The following COL24A1 variants were observed in gnomAD, a reference collection of about 807,000 sequenced individuals.
COL24A1 encodes the protein collagen alpha-1(XXIV) chain.
A neutral mutation model predicts 253.9 loss-of-function variants in COL24A1; 224 were observed. The ratio of observed to expected loss-of-function variants is 0.88; its 90% CI spans 0.79 to 0.99. COL24A1 has a LOEUF of 0.99. COL24A1 is among the 50% of genes least tolerant of loss of function. The probability of loss-of-function intolerance (pLI) is 0.00; values close to 1 mark genes in which losing one functional copy is unlikely to be tolerated. For synonymous variants in COL24A1, 685 were observed against 673.7 expected, an observed-to-expected ratio of 1.02 and a Z score of -0.26; for missense variants, 2,131 against 2,068.5, an observed-to-expected ratio of 1.03 and a Z score of -0.59.
chr1:85,994,991 T>C (rs1362523790), intron 19 of COL24A1, among the ~76,000 whole-genome samples: 1 of 152,216 alleles, frequency 6.6e-6, no homozygotes, highest in East Asian at 1.9e-4. Context: ...CTTCTGTAAT[T>C]CTATGTATTT....
chr1:86,072,625 C>T (rs1013394711), intron 7 of COL24A1, among the ~76,000 whole-genome samples: 8 of 152,188 alleles, frequency 5.3e-5, no homozygotes, highest in African/African-American at 1.7e-4. Flanking sequence ...GCACAGCACT[C>T]GAGCTCTACT....
intron 18 of COL24A1, 33 bp downstream of exon 18, chr1:86,022,207 A>G (rs758248853): frequency 3.1e-6 from 5 of 1,591,464 alleles, no homozygotes; most frequent in South Asian, 1.1e-5. Context: ...CACTCTGTCA[A>G]TTACAAAGAG....
intron 48 of COL24A1, 144 bp downstream of exon 48, chr1:85,786,210 T>C (rs1669667588): frequency 1.7e-6 from 1 of 602,498 alleles, no homozygotes; most frequent in African/African-American, 1.8e-5. Context: ...AACTACATAC[T>C]TTCTCTTTTC....
intron 37 of COL24A1, among the ~76,000 whole-genome samples, chr1:85,867,945 A>G (rs1178991178): frequency 2.6e-5 from 4 of 152,148 alleles, no homozygotes; most frequent in African/African-American, 9.7e-5. Flanking sequence ...GGGTTTCACC[A>G]TGTTGGCCAG....
At chr1:85,933,922 T>G (rs1688035453) in intron 24 of COL24A1, among the ~76,000 whole-genome samples, 2 of 152,160 alleles carry the variant, frequency 1.3e-5, no homozygotes, top group Non-Finnish European at 2.9e-5. Flanking sequence ...CCCCAAAAGT[T>G]AGTGGTTAAA....
At chr1:86,045,456 A>G (rs1025811783) in intron 12 of COL24A1, among the ~76,000 whole-genome samples, 1 of 152,194 alleles carries the variant, frequency 6.6e-6, no homozygotes, top group Non-Finnish European at 1.5e-5. Context: ...ACTAAAGAAA[A>G]CAAACCACCT....
At chr1:85,820,190 C>T (rs1673481125) in intron 45 of COL24A1, among the ~76,000 whole-genome samples, 1 of 152,012 alleles carries the variant, frequency 6.6e-6, no homozygotes, top group Admixed American at 6.6e-5. Context: ...CACTAATGCT[C>T]CCAGATAAGT....
intron 14 of COL24A1, 56 bp downstream of exon 14, chr1:86,031,822 T>C: frequency 1.4e-6 from 2 of 1,429,480 alleles, no homozygotes; most frequent in Non-Finnish European, 1.9e-6. Context: ...ATCTAACACA[T>C]ATAAATTGCA....
At chr1:85,879,307 G>A (rs1019772685) in intron 32 of COL24A1, among the ~76,000 whole-genome samples, 2 of 149,922 alleles carry the variant, frequency 1.3e-5, no homozygotes, top group Non-Finnish European at 3.0e-5. Flanking sequence ...CTAGATTCAC[G>A]TTTTGCATGT....
At chr1:86,074,679 T>A (rs952267694) in intron 7 of COL24A1, among the ~76,000 whole-genome samples, 2 of 152,198 alleles carry the variant, frequency 1.3e-5, no homozygotes, top group Admixed American at 1.3e-4. Flanking sequence ...ACATCACACT[T>A]GTTCTAAAAT....
At chr1:85,947,856 T>C (rs1005321848) in intron 24 of COL24A1, among the ~76,000 whole-genome samples, 1 of 152,014 alleles carries the variant, frequency 6.6e-6, no homozygotes, top group Non-Finnish European at 1.5e-5. Context: ...CGACAATTTC[T>C]CCACCACAGA....
intron 59 of COL24A1, among the ~76,000 whole-genome samples, chr1:85,732,363 G>C (rs1414631774): frequency 6.6e-6 from 1 of 151,982 alleles, no homozygotes; most frequent in Non-Finnish European, 1.5e-5. Flanking sequence ...CTGAGTAGCT[G>C]GGACTACAGG....
At chr1:86,004,863 A>G (rs762344243) in intron 19 of COL24A1, among the ~76,000 whole-genome samples, 6 of 152,232 alleles carry the variant, frequency 3.9e-5, no homozygotes, top group Admixed American at 3.9e-4. Context: ...AGAAGTCACC[A>G]CACTGGCATG....
At chr1:85,818,160 TG>T (rs1279309238) in intron 45 of COL24A1, 73 bp from the exon 46 acceptor site, 2 of 1,198,724 alleles carry the variant, frequency 1.7e-6, no homozygotes, top group Non-Finnish European at 2.5e-6. Flanking sequence ...AAAAGGACAC[TG>T]AGACCTGGAC....
intron 24 of COL24A1, among the ~76,000 whole-genome samples, chr1:85,957,204 A>AGT (rs1690556687): frequency 6.6e-6 from 1 of 152,074 alleles, no homozygotes; most frequent in Admixed American, 6.6e-5. Context: ...ATGGGGTGCA[A>AGT]GGGGAGGGAG....
At chr1:86,005,113 C>T (rs1695815935) in intron 19 of COL24A1, among the ~76,000 whole-genome samples, 1 of 152,132 alleles carries the variant, frequency 6.6e-6, no homozygotes. Flanking sequence ...AGAAAAGTAC[C>T]AGTTGTGGCT....
At chr1:86,058,076 A>G (rs902184116) in intron 9 of COL24A1, 101 bp from the exon 10 acceptor site, 1 of 882,022 alleles carries the variant, frequency 1.1e-6, no homozygotes, top group African/African-American at 1.7e-5. Flanking sequence ...CATTTTCAAA[A>G]CTATAGAATT....
At chr1:86,066,231 CTTTTT>C (rs71078637) in intron 7 of COL24A1, among the ~76,000 whole-genome samples, 4 of 85,544 alleles carry the variant, frequency 4.7e-5, no homozygotes, top group South Asian at 4.2e-4. Flanking sequence ...CCTAAGTCTC[CTTTTT>C]TTTTTTTTTT....
chr1:85,989,822 CA>C (rs1413562012), intron 19 of COL24A1, among the ~76,000 whole-genome samples: 2 of 152,138 alleles, frequency 1.3e-5, no homozygotes, highest in East Asian at 3.9e-4. Flanking sequence ...TCACCTAGAA[CA>C]CTTATGTTTT....
Sources: allele counts gnomAD v4.1 joint callset (sites outside exome capture counted in the v4.1 genomes callset), GRCh38; gene constraint gnomAD v4.1.1; transcripts MANE v1.5; gene names NCBI Gene and HGNC (gene_info 2026-07-23, HGNC 2026-07-21).